The following KCNIP4 variants were observed in gnomAD, a reference collection of about 807,000 sequenced individuals.
KCNIP4 encodes the protein Kv channel-interacting protein 4.
A neutral mutation model predicts 34.0 loss-of-function variants in KCNIP4; 12 were observed. The ratio of observed to expected loss-of-function variants is 0.35; its 90% CI spans 0.23 to 0.57. The LOEUF (loss-of-function observed/expected upper bound fraction) is 0.57, where lower values mean the gene tolerates loss of function less well. KCNIP4 is among the 20% of genes least tolerant of loss of function. The probability of loss-of-function intolerance (pLI) is 0.83; values close to 1 mark genes in which losing one functional copy is unlikely to be tolerated. For missense variants in KCNIP4, 238 were observed against 311.7 expected (o/e 0.76, Z 1.78); for synonymous variants, 124 against 102.2 (o/e 1.21, Z -1.29).
chr4:21,330,064 T>C (rs948881257), intron 1 of KCNIP4, among the ~76,000 whole-genome samples: 1 of 152,182 alleles, frequency 6.6e-6, no homozygotes, highest in Non-Finnish European at 1.5e-5. Flanking sequence ...TACCTTCCTC[T>C]TTAGTCTAGT....
chr4:21,392,149 A>G (rs1379232134), intron 1 of KCNIP4, among the ~76,000 whole-genome samples: 1 of 152,238 alleles, frequency 6.6e-6, no homozygotes, highest in Non-Finnish European at 1.5e-5. Flanking sequence ...AACTCTGGCA[A>G]TAAACTGCTG....
At position 21,745,472 on chromosome 4, in the gene KCNIP4, A is replaced by G. The variant is rs140697006; in HGVS notation, c.61+203099T>C. Among the ~76,000 whole-genome samples the G allele has an allele frequency of 2.7e-3, 408 of 152,320 alleles. 1 individual carries two copies. Among genetic ancestry groups the G allele is most frequent in the African/African-American group, 9.5e-3 (395 of 41,580 alleles). On this transcript the variant is annotated intron_variant, in intron 1 of 8. Coordinates refer to ENST00000382152, the MANE Select transcript of KCNIP4 (RefSeq NM_025221.6). The stretch of plus-strand genomic sequence containing the variant: ...AAAGAATGTAATAGCCATAGAAAAT[A>G]TCTTACATGAGACAGTTCAGGGCAT...
intron 1 of KCNIP4, among the ~76,000 whole-genome samples, chr4:21,122,575 C>T (rs1577730314): frequency 6.6e-6 from 1 of 151,894 alleles, no homozygotes; most frequent in Non-Finnish European, 1.5e-5. Flanking sequence ...ACCTGCACTC[C>T]ACATTTCCTA....
intron 1 of KCNIP4, among the ~76,000 whole-genome samples, chr4:21,679,523 A>G (rs1012006153): frequency 4.6e-5 from 7 of 152,150 alleles, no homozygotes; most frequent in African/African-American, 1.4e-4. Context: ...ATGGCCAGTG[A>G]AACCCACCTC....
At chr4:21,559,115 TA>T (rs1292282372) in intron 1 of KCNIP4, among the ~76,000 whole-genome samples, 1 of 152,072 alleles carries the variant, frequency 6.6e-6, no homozygotes, top group Non-Finnish European at 1.5e-5. Flanking sequence ...TTTTCAACTG[TA>T]AAAGTGGGAT....
chr4:21,904,681 G>A (rs1247256473), intron 1 of KCNIP4, among the ~76,000 whole-genome samples: 1 of 152,204 alleles, frequency 6.6e-6, no homozygotes. Flanking sequence ...ATTTCGCTGG[G>A]TGAGAGCAGA....
intron 1 of KCNIP4, among the ~76,000 whole-genome samples, chr4:21,614,797 C>A (rs1744460619): frequency 6.6e-6 from 1 of 152,006 alleles, no homozygotes; most frequent in Admixed American, 6.6e-5. Flanking sequence ...AGTCAGGAAT[C>A]CGTTTTAGGA....
chr4:20,904,289 A>G (rs1727483352), intron 1 of KCNIP4, among the ~76,000 whole-genome samples: 1 of 150,440 alleles, frequency 6.6e-6, no homozygotes, highest in African/African-American at 2.4e-5. Flanking sequence ...GATTTATAAT[A>G]GTAACAATAA....
At chr4:21,817,890 C>T (rs944819593) in intron 1 of KCNIP4, among the ~76,000 whole-genome samples, 8 of 152,156 alleles carry the variant, frequency 5.3e-5, no homozygotes, top group African/African-American at 1.9e-4. Context: ...TGCTTTTGCC[C>T]TTTGCCCTGT....
At chr4:21,746,609 T>G (rs1716795202) in intron 1 of KCNIP4, among the ~76,000 whole-genome samples, 1 of 151,886 alleles carries the variant, frequency 6.6e-6, no homozygotes. Flanking sequence ...AAAAGCACAT[T>G]TAGATATGAG....
intron 1 of KCNIP4, among the ~76,000 whole-genome samples, chr4:20,923,102 T>C (rs1223250479): frequency 6.6e-6 from 1 of 152,086 alleles, no homozygotes; most frequent in African/African-American, 2.4e-5. Context: ...AATCAGAAAA[T>C]AGTTCTTTAA....
At chr4:21,861,251 TG>T (rs1480730198) in intron 1 of KCNIP4, among the ~76,000 whole-genome samples, 1 of 152,234 alleles carries the variant, frequency 6.6e-6, no homozygotes, top group Non-Finnish European at 1.5e-5. Flanking sequence ...CAGAACTCAC[TG>T]GTTTCAAGGG....
At chr4:21,269,322 G>A (rs1001527934) in intron 1 of KCNIP4, among the ~76,000 whole-genome samples, 9 of 152,216 alleles carry the variant, frequency 5.9e-5, no homozygotes, top group African/African-American at 1.2e-4. Flanking sequence ...AGTGTGATGC[G>A]GACTATAGCT....
chr4:21,848,590 A>C (rs768855224), intron 1 of KCNIP4: 1 of 152,146 alleles, frequency 6.6e-6, no homozygotes, highest in Non-Finnish European at 1.5e-5. Flanking sequence ...AATTCTTTCA[A>C]CAGATGTTCT....
At chr4:21,553,897 T>C (rs1250858550) in intron 1 of KCNIP4, among the ~76,000 whole-genome samples, 4 of 152,064 alleles carry the variant, frequency 2.6e-5, no homozygotes, top group Non-Finnish European at 4.4e-5. Flanking sequence ...TAATTATACC[T>C]AAAAAGTTCA....
intron 1 of KCNIP4, among the ~76,000 whole-genome samples, chr4:21,905,351 T>C (rs867766573): frequency 1.3e-5 from 2 of 152,148 alleles, no homozygotes; most frequent in Non-Finnish European, 2.9e-5. Flanking sequence ...TTATGCCAGT[T>C]TGGGCTTCAT....
At chr4:21,545,070 C>T (rs1255482593) in intron 1 of KCNIP4, among the ~76,000 whole-genome samples, 1 of 152,130 alleles carries the variant, frequency 6.6e-6, no homozygotes, top group Non-Finnish European at 1.5e-5. Flanking sequence ...TCAAAACCCA[C>T]CAAAAGCAAG....
At chr4:21,599,047 T>C (rs990272492) in intron 1 of KCNIP4, among the ~76,000 whole-genome samples, 1 of 152,040 alleles carries the variant, frequency 6.6e-6, no homozygotes, top group Non-Finnish European at 1.5e-5. Context: ...GATTATTGTT[T>C]TGCTGTCAAC....
At chr4:21,722,031 C>A (rs1182656264) in intron 1 of KCNIP4, among the ~76,000 whole-genome samples, 1 of 152,128 alleles carries the variant, frequency 6.6e-6, no homozygotes, top group Non-Finnish European at 1.5e-5. Context: ...TCAAAGGTAT[C>A]TATGTTCTGA....
Sources: allele counts gnomAD v4.1 joint callset (sites outside exome capture counted in the v4.1 genomes callset), GRCh38; gene constraint gnomAD v4.1.1; transcripts MANE v1.5; gene names NCBI Gene and HGNC (gene_info 2026-07-23, HGNC 2026-07-21).